UMODL1: variants seen among roughly 807,000 people sequenced by gnomAD.
UMODL1 encodes the protein uromodulin like 1.
Under a neutral mutation model 136.3 loss-of-function variants are expected in UMODL1, and 128 were observed. The ratio of observed to expected loss-of-function variants is 0.94; its 90% CI spans 0.81 to 1.09. UMODL1 has a LOEUF of 1.09. UMODL1 is among the 50% of genes least tolerant of loss of function. The probability of loss-of-function intolerance (pLI) is 0.00; values close to 1 mark genes in which losing one functional copy is unlikely to be tolerated. For missense variants in UMODL1, 1,766 were observed against 1,725.6 expected (o/e 1.02, Z -0.41); for synonymous variants, 721 against 720.0 (o/e 1.00, Z -0.02).
chr21:42,075,941 G>C, intron 1 of UMODL1, 64 bp from the exon 2 acceptor site: 1 of 1,591,968 alleles, frequency 6.3e-7, no homozygotes, highest in South Asian at 1.1e-5. Flanking sequence ...ACGCCTTGCG[G>C]ATAACCGCTC....
Position 42,085,313 on chromosome 21 carries a change from C to A in UMODL1, c.504C>A (p.Gly168=), listed in dbSNP as rs2066412762. The change falls in exon 4 of 23, where the codon GGC becomes GGA. Residue 168 remains glycine (G), a synonymous_variant. Coordinates refer to ENST00000408910, the MANE Select transcript of UMODL1 (RefSeq NM_001004416.3). This position sits in a 1 kb window ranked among gnomAD's most constrained non-coding sequence, Gnocchi z 4.5. ...TAGCTCCAGAGAGGGACCCTGTGGG[C>A]TCCTGGTACAACGTCACCATACTGG... ...APQAPERDPV[G]SWYNVTILVK... 3.1e-6 allele frequency: 5 copies of A among 1,613,914 alleles called. No individual in the cohort carries two copies. Among genetic ancestry groups the A allele is most frequent in the Admixed American group, 1.7e-5 (1 of 59,996 alleles).
At position 42,109,569 on chromosome 21, in the gene UMODL1, CGAGT is replaced by C. The variant is rs1294450327; in HGVS notation, c.1529_1532del (p.Glu510ValfsTer46). ...TGTGTCTCCCCCTGGCAGACTGGGACGAGTGTGTGGACAGCGCGGAACACGACTG... is the reference window on the plus strand; with the variant it reads ...TGTGTCTCCCCCTGGCAGACTGGGACGTGTGGACAGCGCGGAACACGACTG... On this transcript the variant is annotated frameshift_variant, in exon 10 of 23. Transcript: ENST00000408910. LOFTEE classifies it high-confidence loss of function. 6.2e-7 allele frequency: 1 copy of C among 1,611,208 alleles called. No homozygotes were observed. Among genetic ancestry groups the C allele is most frequent in the Non-Finnish European group, 8.5e-7 (1 of 1,180,014 alleles).
At position 42,119,188 on chromosome 21, in the gene UMODL1, C is replaced by T; in HGVS notation, c.2553C>T (p.Thr851=). Residue 851 remains threonine (T), a synonymous_variant, in exon 15 of 23, where the codon ACC becomes ACT. Transcript: ENST00000408910. Reference sequence around the variant, plus strand: ...TCAGGATGGAAGTCGTCAGCGTCACCAACGGCAGCATCGTGGTGGAGTTTC... The same window carrying T: ...TCAGGATGGAAGTCGTCAGCGTCACTAACGGCAGCATCGTGGTGGAGTTTC... The part of the protein sequence containing the change: ...GGVRMEVVSV[T]NGSIVVEFHL... 1 of 1,614,202 alleles carries T rather than the reference C, an allele frequency of 6.2e-7. No individual in the cohort carries two copies. The highest frequency in any genetic ancestry group is 8.5e-7 in the Non-Finnish European group (1 of 1,180,026).
chr21:42,083,158 G>A (rs569912657), intron 2 of UMODL1, among the ~76,000 whole-genome samples: 1 of 152,320 alleles, frequency 6.6e-6, no homozygotes, highest in African/African-American at 2.4e-5. Context: ...GGCCTCAGGG[G>A]CCACCTCCAG....
At chr21:42,135,346 C>T (rs1290368926) in intron 21 of UMODL1, among the ~76,000 whole-genome samples, 1 of 152,234 alleles carries the variant, frequency 6.6e-6, no homozygotes, top group African/African-American at 2.4e-5. Flanking sequence ...ACTTTGGTGT[C>T]AGTCAGTGGG....
At chr21:42,092,738 C>T (rs961565553) in intron 6 of UMODL1, among the ~76,000 whole-genome samples, 1 of 152,244 alleles carries the variant, frequency 6.6e-6, no homozygotes, top group Non-Finnish European at 1.5e-5. Context: ...CACAATAACA[C>T]CACAGCTGGC....
rs537061369 is a variant in UMODL1, at chr21:42,119,121, C to G, written c.2486C>G (p.Ser829Cys). The part of the protein sequence containing the change: ...LELFFRMVRG[S>C]LPATMCQHMD... ...CCTCTTTCCCCGCAGGTGCGGGGCT[C>G]CCTGCCAGCCACCATGTGTCAGCAC... The change falls in exon 15 of 23, where the codon TCC becomes TGC. Residue 829 changes from serine to cysteine, a missense_variant. Coordinates refer to ENST00000408910, the MANE Select transcript of UMODL1 (RefSeq NM_001004416.3). 6.2e-7 allele frequency: 1 copy of G among 1,612,534 alleles called. No homozygotes were observed. The highest frequency in any genetic ancestry group is 8.5e-7 in the Non-Finnish European group (1 of 1,179,474).
intron 20 of UMODL1, 181 bp downstream of exon 20, chr21:42,128,012 TG>T (rs757003821): frequency 1.3e-6 from 1 of 798,416 alleles, no homozygotes; most frequent in South Asian, 1.5e-5. Flanking sequence ...AGGCAGCCCT[TG>T]GACGGAGGAC....
intron 9 of UMODL1, among the ~76,000 whole-genome samples, chr21:42,107,691 G>A (rs1002310484): frequency 9.2e-5 from 14 of 152,178 alleles, no homozygotes; most frequent in Admixed American, 3.9e-4. Flanking sequence ...TCTGGAGGAC[G>A]CCCTGGGCCC....
intron 8 of UMODL1, 132 bp downstream of exon 8, chr21:42,102,410 G>C: frequency 1.5e-6 from 1 of 656,880 alleles, no homozygotes; most frequent in South Asian, 2.1e-5. Context: ...AGCTTCAGGG[G>C]AGGCCAAACC....
intron 9 of UMODL1, among the ~76,000 whole-genome samples, chr21:42,107,982 G>A (rs2066746333): frequency 6.6e-6 from 1 of 152,218 alleles, no homozygotes; most frequent in South Asian, 2.1e-4. Context: ...GGCCAGCCCG[G>A]GAGGGTGCAG....
Position 42,105,608 on chromosome 21 carries a change from A to T in UMODL1, c.1519+1521A>T, listed in dbSNP as rs191813638. 2.3e-4 allele frequency among the ~76,000 whole-genome samples: 35 copies of T among 152,312 alleles called. 1 individual carries two copies. Among genetic ancestry groups the T allele is most frequent in the Admixed American group, 2.2e-3 (33 of 15,298 alleles). On this transcript the variant is annotated intron_variant, in intron 9 of 22. Transcript: ENST00000408910. ...TGGGTTGGCCTGAAGTTCAGTGACA[A>T]GTGTTCTTATACGAGACAAGAGGAG... is the stretch of plus-strand genomic sequence containing the variant.
chr21:42,108,205 G>A (rs1030514426), intron 9 of UMODL1: 2 of 453,370 alleles, frequency 4.4e-6, no homozygotes, highest in Admixed American at 2.4e-5. Flanking sequence ...TTGAGCCAGC[G>A]TCTTGCCTGG....
intron 5 of UMODL1, among the ~76,000 whole-genome samples, chr21:42,088,762 C>T (rs549730918): frequency 7.9e-5 from 12 of 152,158 alleles, no homozygotes; most frequent in East Asian, 7.8e-4. Context: ...CCTCGGATCC[C>T]TCTGGCCTCC....
chr21:42,109,807 T>C (rs2066792352), intron 10 of UMODL1, 108 bp downstream of exon 10: 3 of 1,188,640 alleles, frequency 2.5e-6, no homozygotes, highest in South Asian at 3.0e-5. Context: ...CCTATGGTAA[T>C]GTTAGGGGCC....
chr21:42,112,190 A>G (rs1280768908), intron 12 of UMODL1, among the ~76,000 whole-genome samples: 1 of 150,280 alleles, frequency 6.7e-6, no homozygotes, highest in East Asian at 2.0e-4. Context: ...CACCCTGCCA[A>G]GCATTCTGCA....
Position 42,075,249 on chromosome 21 carries a change from G to GGC in UMODL1, c.77-755_77-754insCG, listed in dbSNP as rs531652042. Among the ~76,000 whole-genome samples, 74 of 151,926 alleles carry GGC rather than the reference G, an allele frequency of 4.9e-4. 1 individual carries two copies. The highest frequency in any genetic ancestry group is 1.7e-3 in the African/African-American group (71 of 41,388). Reference sequence around the variant, plus strand: ...AATATTTTTGCTGGAGATGGGGGGGGGGTTTCACCATGTTGGCCGGGCTGG... The same window carrying GGC: ...AATATTTTTGCTGGAGATGGGGGGGGGCGGTTTCACCATGTTGGCCGGGCTGG... On this transcript the variant is annotated intron_variant, in intron 1 of 22. Coordinates refer to ENST00000408910, the MANE Select transcript of UMODL1 (RefSeq NM_001004416.3).
rs2066678748 is a variant in UMODL1 at position 42,104,064 on chromosome 21, A to G, written c.1496A>G (p.Asp499Gly). 1 of 1,612,582 alleles carries G rather than the reference A, an allele frequency of 6.2e-7. No homozygotes were observed. The highest frequency in any genetic ancestry group is 8.5e-7 in the Non-Finnish European group (1 of 1,179,138). The change falls in exon 9 of 23, where the codon GAC (aspartate) becomes GGC (glycine). Residue 499 changes from aspartate to glycine, a missense_variant. Asp to Gly is a moderately conservative substitution (Grantham distance 94). Transcript: ENST00000408910. ...TTGGCAAGCACAGTGTTCCAGATTG[A>G]CCGGCAGGGGACACGCGTGCAAGGT... ...PLLASTVFQI[D>G]RQGTRVQDWD...
upstream of UMODL1, chr21:42,071,184 T>C (rs1249423784): frequency 6.3e-6 from 6 of 949,398 alleles, no homozygotes; most frequent in Non-Finnish European, 7.1e-6. Context: ...CATTGCCACC[T>C]GCAGCAGCAC....
Sources: allele counts gnomAD v4.1 joint callset (sites outside exome capture counted in the v4.1 genomes callset), GRCh38; gene constraint gnomAD v4.1.1; non-coding constraint Gnocchi (gnomAD v3.1); transcripts MANE v1.5; gene names NCBI Gene and HGNC (gene_info 2026-07-23, HGNC 2026-07-21).